UCP3: variants seen among roughly 807,000 people sequenced by gnomAD.
UCP3 encodes uncoupling protein 3.
In UCP3, 24 loss-of-function variants were observed where a neutral mutation model predicts 28.1. That is an observed-to-expected ratio of 0.85 (90% confidence interval 0.62 to 1.20). UCP3 has a LOEUF of 1.20. UCP3 is among the 50% of genes most tolerant of loss of function. UCP3 has a pLI of 0.00. For missense variants in UCP3, 397 were observed against 422.2 expected (o/e 0.94, Z 0.52); for synonymous variants, 184 against 171.2 (o/e 1.07, Z -0.59).
At chr11:74,005,580 A>T in intron 4 of UCP3, 150 bp downstream of exon 4, 1 of 909,202 alleles carries the variant, frequency 1.1e-6, no homozygotes, top group Non-Finnish European at 1.7e-6. Context: ...GGGCTGTGGC[A>T]GGTCAGTGAA....
In UCP3 at chr11:74,003,940, C is replaced by T. The variant is rs150067246; in HGVS notation, c.711G>A (p.Pro237=). 266 of 1,614,126 alleles carry T rather than the reference C, an allele frequency of 1.6e-4. No individual in the cohort carries two copies. The highest frequency in any genetic ancestry group is 6.7e-4 in the African/African-American group (50 of 75,034). The part of the protein sequence containing the change: ...AGFCATVVAS[P]VDVVKTRYMN... ...TATACCGGGTCTTCACCACGTCCAC[C>T]GGGGAGGCCACCACTGTGGCACAGA... Residue 237 remains proline (P), a synonymous_variant, in exon 6 of 7, where the codon CCG becomes CCA. Coordinates refer to ENST00000314032, the MANE Select transcript of UCP3 (RefSeq NM_003356.4).
rs778576037 is a variant in UCP3 at position 74,001,530 on chromosome 11, A to G, written c.825-4T>C. On this transcript the variant is annotated splice_region_variant and splice_polypyrimidine_tract_variant and intron_variant, in intron 6 of 6. Transcript: ENST00000314032. Reference sequence around the variant, plus strand: ...ACGCAAAAAGGAGGGTGTAAATCTGATAAGAAAAACAACCAACACATCAGG... The same window carrying G: ...ACGCAAAAAGGAGGGTGTAAATCTGGTAAGAAAAACAACCAACACATCAGG... 2.5e-6 allele frequency: 4 copies of G among 1,614,114 alleles called. No homozygotes were observed. The South Asian group carries it at 4.4e-5, about 18-fold the overall frequency.
intron 1 of UCP3, chr11:74,007,385 C>T: frequency 3.9e-6 from 1 of 259,364 alleles, no homozygotes; most frequent in Non-Finnish European, 7.6e-6. Context: ...GCACTGTATA[C>T]ATGAGGAAAC....
At chr11:74,001,840 G>T in intron 6 of UCP3, 1 of 355,908 alleles carries the variant, frequency 2.8e-6, no homozygotes, top group Non-Finnish European at 5.3e-6. Flanking sequence ...GCCCAGGGAG[G>T]TTAAGAGCTC....
At chr11:74,004,104 C>T (rs1289764445) in intron 5 of UCP3, 97 bp from the exon 6 acceptor site, 1 of 1,544,004 alleles carries the variant, frequency 6.5e-7, no homozygotes, top group Non-Finnish European at 8.8e-7. Context: ...ACTCCCTGAG[C>T]ATAGGACAGT....
At position 74,001,514 on chromosome 11, in the gene UCP3, G is replaced by A. The variant is rs766648507; in HGVS notation, c.837C>T (p.Ser279=). ...CGTTCCAGGATCCCAAACGCAAAAA[G>A]GAGGGTGTAAATCTGATAAGAAAAA... ...PTAFYKGFTP[S]FLRLGSWNVV... is the part of the protein sequence containing the mutation. Residue 279 remains serine (S), a synonymous_variant, in exon 7 of 7, where the codon TCC becomes TCT. Transcript: ENST00000314032. 8 of 1,614,138 alleles carry A rather than the reference G, an allele frequency of 5.0e-6. 1 individual carries two copies. In the Admixed American group the frequency reaches 1.2e-4, roughly 24 times the overall value.
In UCP3 at chr11:74,003,949, C is replaced by T. The variant is rs761288449; in HGVS notation, c.702G>A (p.Val234=). ...TCTTCACCACGTCCACCGGGGAGGC[C>T]ACCACTGTGGCACAGAAGCCGGCTC... is the stretch of plus-strand genomic sequence containing the variant. ...AFGAGFCATV[V]ASPVDVVKTR... Residue 234 remains valine (V), a synonymous_variant, in exon 6 of 7, where the codon GTG becomes GTA. Transcript: ENST00000314032. The T allele has an allele frequency of 1.2e-5, 19 of 1,614,022 alleles. No homozygotes were observed. The South Asian group carries it at 2.1e-4, about 18-fold the overall frequency.
Position 74,006,202 on chromosome 11 carries a change from C to T in UCP3, c.304G>A (p.Val102Ile), listed in dbSNP as rs2229707. 7.7e-3 allele frequency: 12,413 copies of T among 1,614,100 alleles called. 676 individuals are homozygous for T. The African/African-American group carries it at 0.13, about 17-fold the overall frequency. ...ASIRIGLYDSVKQVYTPKGAD... is the reference protein window; with the variant it reads ...ASIRIGLYDSIKQVYTPKGAD... ...CCTTTGGGGGTGTACACCTGCTTGACGGAGTCATAGAGGCCGATGCGGATG... is the reference window on the plus strand; with the variant it reads ...CCTTTGGGGGTGTACACCTGCTTGATGGAGTCATAGAGGCCGATGCGGATG... Residue 102 changes from valine to isoleucine, a missense_variant, in exon 3 of 7, where the codon GTC (valine) becomes ATC (isoleucine). Physicochemically the swap from Val to Ile is conservative, Grantham distance 29. Transcript: ENST00000314032.
At chr11:74,003,506 C>G in intron 6 of UCP3, 1 of 1,052,368 alleles carries the variant, frequency 9.5e-7, no homozygotes, top group Non-Finnish European at 1.1e-6. Flanking sequence ...GTGAGGAAGG[C>G]ACTGGCCATG....
intron 2 of UCP3, 130 bp downstream of exon 2, chr11:74,006,787 C>T: frequency 5.5e-6 from 8 of 1,467,114 alleles, no homozygotes; most frequent in Non-Finnish European, 7.5e-6. Flanking sequence ...AGGAAGGGTC[C>T]TAAGCAGTGG....
At position 74,005,632 on chromosome 11, in the gene UCP3, G is replaced by A. The variant is rs113415753; in HGVS notation, c.541+98C>T. The stretch of plus-strand genomic sequence containing the variant: ...TGTTCTTTCAGAATCACTGGAACAC[G>A]CCATGCTGGGAGTCCCCTCCTTACT... On this transcript the variant is annotated intron_variant, in intron 4 of 6. Transcript: ENST00000314032. 306 of 1,333,600 alleles carry A rather than the reference G, an allele frequency of 2.3e-4. 1 individual carries two copies. In the South Asian group the frequency reaches 2.8e-3, roughly 12 times the overall value. 82.6% of individuals were successfully genotyped at this position (1,333,600 alleles called of 1,614,324 possible).
intron 5 of UCP3, among the ~76,000 whole-genome samples, 171 bp downstream of exon 5, chr11:74,004,313 C>CA (rs1951643011): frequency 6.6e-6 from 1 of 152,128 alleles, no homozygotes. Flanking sequence ...CCTCCCAGCC[C>CA]AGGGGTCTTT....
chr11:74,005,572 G>T (rs781243174), intron 4 of UCP3, among the ~76,000 whole-genome samples, 158 bp downstream of exon 4: 2 of 152,216 alleles, frequency 1.3e-5, no homozygotes, highest in Non-Finnish European at 2.9e-5. Context: ...AGTTTGAGGG[G>T]CTGTGGCAGG....
intron 6 of UCP3, chr11:74,002,941 T>G (rs3741134): frequency 9.1e-6 from 9 of 985,416 alleles, no homozygotes; most frequent in East Asian, 1.1e-4. Flanking sequence ...AACAACATTG[T>G]TGGGTGTGGT....
intron 6 of UCP3, 150 bp from the exon 7 acceptor site, chr11:74,001,676 T>TCTC: frequency 5.7e-6 from 3 of 527,764 alleles, no homozygotes; most frequent in Non-Finnish European, 9.5e-6. Flanking sequence ...TCTCTCTCTC[T>TCTC]TTTTTTTTTC....
chr11:74,003,600 T>C, intron 6 of UCP3: 2 of 1,297,690 alleles, frequency 1.5e-6, no homozygotes, highest in Non-Finnish European at 2.0e-6. Context: ...GCAGTACTTT[T>C]ACCTATTCCT....
chr11:74,003,059 A>C (rs758795119), intron 6 of UCP3: 62 of 584,862 alleles, frequency 1.1e-4, no homozygotes, highest in Non-Finnish European at 1.1e-4. Context: ...AATGTGGACA[A>C]TACTACCCAG....
chr11:74,005,856 C>T lies in UCP3; in HGVS notation c.415G>A (p.Val139Met). The change falls in exon 4 of 7, where the codon GTG becomes ATG. Residue 139 changes from valine to methionine, a missense_variant. By Grantham distance (21) the Val-to-Met change is conservative. Coordinates refer to ENST00000314032, the MANE Select transcript of UCP3 (RefSeq NM_003356.4). ...CTGGCCTGAAATCGGACCTTCACCA[C>T]ATCTGTGGGCTGGGCACAGGTCACC... is the stretch of plus-strand genomic sequence containing the variant. The part of the protein sequence containing the change: ...MAVTCAQPTD[V>M]VKVRFQASIH... The T allele has an allele frequency of 2.5e-6, 4 of 1,614,242 alleles. No individual in the cohort carries two copies. Among genetic ancestry groups the T allele is most frequent in the Non-Finnish European group, 3.4e-6 (4 of 1,180,054 alleles).
intron 3 of UCP3, 106 bp from the exon 4 acceptor site, chr11:74,006,039 A>G (rs1476929048): frequency 6.4e-7 from 1 of 1,559,038 alleles, no homozygotes; most frequent in African/African-American, 1.4e-5. Context: ...GTCCACTCAG[A>G]GCCTCCTCAT....
Sources: allele counts gnomAD v4.1 joint callset (sites outside exome capture counted in the v4.1 genomes callset), GRCh38; gene constraint gnomAD v4.1.1; transcripts MANE v1.5; gene names NCBI Gene and HGNC (gene_info 2026-07-23, HGNC 2026-07-21).